STPG2: variants seen among roughly 807,000 people sequenced by gnomAD.
STPG2 encodes the protein sperm tail PG-rich repeat containing 2.
Under a neutral mutation model 54.2 loss-of-function variants are expected in STPG2, and 56 were observed. The observed-to-expected ratio is 1.03, with a 90% CI of 0.83 to 1.29. STPG2 has a LOEUF of 1.29. STPG2 is among the 50% of genes most tolerant of loss of function. The pLI is 0.00. For synonymous variants in STPG2, 200 were observed against 181.8 expected (o/e 1.10, Z -0.81); for missense variants, 596 against 544.9 (o/e 1.09, Z -0.93).
intron 5 of STPG2, among the ~76,000 whole-genome samples, chr4:98,022,335 G>C (rs571659532): frequency 0.01 from 1,574 of 152,032 alleles, 17 homozygotes; most frequent in Non-Finnish European, 0.017. Context: ...TAAGAATGTT[G>C]AATATTGGCC....
chr4:97,941,599 G>A (rs904918950), intron 8 of STPG2, among the ~76,000 whole-genome samples: 1 of 151,906 alleles, frequency 6.6e-6, no homozygotes, highest in Non-Finnish European at 1.5e-5. Context: ...GTCTGGAAGG[G>A]AGCTATATTT....
intron 8 of STPG2, among the ~76,000 whole-genome samples, chr4:97,906,830 A>G (rs1177264301): frequency 6.6e-6 from 1 of 152,200 alleles, no homozygotes; most frequent in Non-Finnish European, 1.5e-5. Context: ...GTCAAACTAA[A>G]AATTCTCAAT....
chr4:97,648,594 A>T (rs1578452525), intron 10 of STPG2, among the ~76,000 whole-genome samples: 1 of 152,148 alleles, frequency 6.6e-6, no homozygotes, highest in South Asian at 2.1e-4. Context: ...CAGATACATC[A>T]TAAATCAAAT....
In STPG2 at chr4:97,759,122, G is replaced by T. The variant is rs527398894; in HGVS notation, c.1205-46308C>A. On this transcript the variant is annotated intron_variant, in intron 9 of 10. Transcript: ENST00000295268. ...GTCTCAAAGAAAAGGAAGGGTGCCA[G>T]AAGTTTTATAGAGGCAGGCAAACAA... 3.9e-5 allele frequency among the ~76,000 whole-genome samples: 6 copies of T among 152,266 alleles called. No individual in the cohort carries two copies. In the South Asian group the frequency reaches 1.0e-3, roughly 26 times the overall value.
At chr4:97,452,120 A>ACCCCCCCCCCCCC (rs70953067) in intron 4 of STPG2, among the ~76,000 whole-genome samples, 1 of 19,442 alleles carries the variant, frequency 5.1e-5, no homozygotes, top group Non-Finnish European at 8.7e-5. Context: ...CCCCGCCCCC[A>ACCCCCCCCCCCCC]CCCCCCCCCC....
chr4:97,848,612 T>C (rs572803648), intron 8 of STPG2, among the ~76,000 whole-genome samples: 7 of 152,334 alleles, frequency 4.6e-5, no homozygotes, highest in African/African-American at 1.7e-4. Flanking sequence ...TCATAATGTT[T>C]TTATTTCAAA....
chr4:97,773,316 A>C (rs1726274220), intron 9 of STPG2, among the ~76,000 whole-genome samples: 1 of 151,718 alleles, frequency 6.6e-6, no homozygotes, highest in Admixed American at 6.6e-5. Flanking sequence ...TGTATAATTT[A>C]TTATTATTAT....
intron 8 of STPG2, among the ~76,000 whole-genome samples, chr4:97,855,263 A>G (rs1283784940): frequency 6.6e-6 from 1 of 152,138 alleles, no homozygotes; most frequent in African/African-American, 2.4e-5. Flanking sequence ...ATATTCATTT[A>G]GGTATATTCC....
At chr4:97,938,954 G>A (rs1194790070) in intron 8 of STPG2, among the ~76,000 whole-genome samples, 1 of 151,930 alleles carries the variant, frequency 6.6e-6, no homozygotes, top group Admixed American at 6.5e-5. Context: ...TCAGTACTAT[G>A]AATTTTCCTC....
chr4:97,721,637 G>A (rs188093394), intron 9 of STPG2, among the ~76,000 whole-genome samples: 172 of 152,096 alleles, frequency 1.1e-3, no homozygotes, highest in Admixed American at 2.4e-3. Flanking sequence ...TATGATGACC[G>A]AAAGCTTAGC....
chr4:97,582,543 T>C (rs1732888529), intron 10 of STPG2, among the ~76,000 whole-genome samples: 4 of 152,092 alleles, frequency 2.6e-5, no homozygotes, highest in Admixed American at 2.6e-4. Context: ...TCTGATTATG[T>C]TTTTGTCAAC....
intron 4 of STPG2, among the ~76,000 whole-genome samples, chr4:97,484,842 T>A (rs58296218): frequency 0.24 from 35,696 of 151,550 alleles, 9,535 homozygotes; most frequent in African/African-American, 0.66. Flanking sequence ...CCAACAACAC[T>A]TCAAAAAGAT....
intron 4 of STPG2, among the ~76,000 whole-genome samples, chr4:97,539,640 A>C (rs1299142971): frequency 6.6e-6 from 1 of 152,216 alleles, no homozygotes; most frequent in Non-Finnish European, 1.5e-5. Context: ...TCAATGAGAC[A>C]GAAAGTTAAC....
chr4:98,117,881 T>C (rs1739567405), intron 3 of STPG2, among the ~76,000 whole-genome samples: 1 of 152,136 alleles, frequency 6.6e-6, no homozygotes, highest in Admixed American at 6.6e-5. Context: ...TTTGAACATA[T>C]TTAAAATAGC....
intron 8 of STPG2, among the ~76,000 whole-genome samples, chr4:97,845,508 A>T (rs1172926601): frequency 1.3e-5 from 2 of 152,154 alleles, no homozygotes; most frequent in Non-Finnish European, 2.9e-5. Flanking sequence ...TTTGCTTTGC[A>T]TATATGTGGA....
rs1242260121 is a variant in STPG2, at chr4:98,130,952, G to GAAAAAA, written c.223-2361_223-2360insTTTTTT. On this transcript the variant is annotated intron_variant, in intron 2 of 10. Transcript: ENST00000295268. ...AAAAAAAAAAAAACAAAAAAAAAAC[G>GAAAAAA]ACTTTCCAAAATATAGCCCCTACCT... is the stretch of plus-strand genomic sequence containing the variant. Among the ~76,000 whole-genome samples, 434 of 81,754 alleles carry GAAAAAA rather than the reference G, an allele frequency of 5.3e-3. 50 individuals are homozygous for GAAAAAA. The highest frequency in any genetic ancestry group is 0.015 in the Middle Eastern group (2 of 136). 53.6% of individuals were successfully genotyped at this position (81,754 alleles called of 152,430 possible).
chr4:97,520,783 T>A (rs899220189), intron 4 of STPG2, among the ~76,000 whole-genome samples: 3 of 152,104 alleles, frequency 2.0e-5, no homozygotes, highest in African/African-American at 7.2e-5. Context: ...ATTGTTTCTC[T>A]TTAAAAAATG....
chr4:98,106,122 T>C lies in STPG2; in HGVS notation c.501-58A>G, dbSNP rs1019046466. 11 of 1,157,324 alleles carry C rather than the reference T, an allele frequency of 9.5e-6. No homozygotes were observed. The African/African-American group carries it at 1.4e-4, about 15-fold the overall frequency. 71.7% of individuals were successfully genotyped at this position (1,157,324 alleles called of 1,614,324 possible). A position where few individuals can be genotyped will look rare whatever the true frequency, so the allele number is the denominator to read the frequency against. Reference sequence around the variant, plus strand: ...TCAATTTTAAACCTATAAATATTTATGTAAGCAAAGAAATTCTTTCTACAG... The same window carrying C: ...TCAATTTTAAACCTATAAATATTTACGTAAGCAAAGAAATTCTTTCTACAG... On this transcript the variant is annotated intron_variant, in intron 4 of 10. Coordinates refer to ENST00000295268, the MANE Select transcript of STPG2 (RefSeq NM_174952.3).
intron 8 of STPG2, among the ~76,000 whole-genome samples, chr4:97,921,314 G>C (rs1732097149): frequency 6.6e-6 from 1 of 152,060 alleles, no homozygotes; most frequent in Non-Finnish European, 1.5e-5. Context: ...TCATAGTCCA[G>C]ACCTACCCCA....
Sources: allele counts gnomAD v4.1 joint callset (sites outside exome capture counted in the v4.1 genomes callset), GRCh38; gene constraint gnomAD v4.1.1; transcripts MANE v1.5; gene names NCBI Gene and HGNC (gene_info 2026-07-23, HGNC 2026-07-21).